The following TMC1 variants were observed in gnomAD, a reference collection of about 807,000 sequenced individuals.
TMC1 encodes the protein transmembrane channel like 1.
TMC1 carries 84 observed loss-of-function variants against 105.8 expected under a neutral mutation model. That is an observed-to-expected ratio of 0.79 (90% CI 0.67 to 0.95). The LOEUF (loss-of-function observed/expected upper bound fraction) is 0.95, where lower values mean the gene tolerates loss of function less well. Among genes scored for constraint, TMC1 ranks in the 40% least tolerant of loss-of-function variants. The pLI is 0.00. For missense variants in TMC1, 817 were observed against 914.1 expected (o/e 0.89, Z 1.37); for synonymous variants, 315 against 311.5 (o/e 1.01, Z -0.12).
At chr9:72,639,327 TAAG>T (rs1345136449) in intron 4 of TMC1, among the ~76,000 whole-genome samples, 1 of 152,194 alleles carries the variant, frequency 6.6e-6, no homozygotes, top group Non-Finnish European at 1.5e-5. Context: ...ACCATGGGCT[TAAG>T]AAAGTAGATT....
intron 8 of TMC1, among the ~76,000 whole-genome samples, chr9:72,702,190 AG>A (rs1826656589): frequency 6.6e-6 from 1 of 152,320 alleles, no homozygotes; most frequent in East Asian, 1.9e-4. Context: ...ATATATAGAA[AG>A]TTTAAAATTG....
intron 5 of TMC1, among the ~76,000 whole-genome samples, chr9:72,674,417 T>G (rs1483791872): frequency 2.0e-5 from 3 of 152,152 alleles, no homozygotes; most frequent in Non-Finnish European, 4.4e-5. Flanking sequence ...CAAGACAGTG[T>G]GAGACTGAAA....
chr9:72,674,724 T>G (rs1046909702), intron 5 of TMC1, among the ~76,000 whole-genome samples: 1 of 152,212 alleles, frequency 6.6e-6, no homozygotes, highest in Non-Finnish European at 1.5e-5. Flanking sequence ...GGCCTTTCCC[T>G]GCTAGAAATC....
At chr9:72,755,882 A>C (rs1339720900) in intron 12 of TMC1, among the ~76,000 whole-genome samples, 1 of 152,208 alleles carries the variant, frequency 6.6e-6, no homozygotes, top group East Asian at 1.9e-4. Flanking sequence ...AGAAGAGATC[A>C]GGTCTGCTAC....
At chr9:72,821,917 A>T (rs1300836341) in intron 20 of TMC1, among the ~76,000 whole-genome samples, 1 of 152,236 alleles carries the variant, frequency 6.6e-6, no homozygotes, top group Non-Finnish European at 1.5e-5. Flanking sequence ...CCAATTTGTT[A>T]TCCAAAATAT....
chr9:72,622,925 G>A (rs551030633), intron 3 of TMC1, among the ~76,000 whole-genome samples: 2 of 151,928 alleles, frequency 1.3e-5, no homozygotes, highest in Admixed American at 1.3e-4. Context: ...GGTGGCGGGT[G>A]CCTGTAATCC....
At chr9:72,543,532 C>T (rs1587947228) in intron 1 of TMC1, among the ~76,000 whole-genome samples, 2 of 152,184 alleles carry the variant, frequency 1.3e-5, no homozygotes, top group Non-Finnish European at 2.9e-5. Flanking sequence ...CCTGTAATCC[C>T]AGCACTTTGG....
At chr9:72,691,788 T>C (rs1472987222) in intron 6 of TMC1, among the ~76,000 whole-genome samples, 1 of 151,948 alleles carries the variant, frequency 6.6e-6, no homozygotes, top group Non-Finnish European at 1.5e-5. Context: ...GAACACAGGG[T>C]ATATATTTCA....
intron 5 of TMC1, among the ~76,000 whole-genome samples, chr9:72,653,776 C>T (rs1478581170): frequency 6.6e-6 from 1 of 152,170 alleles, no homozygotes; most frequent in Non-Finnish European, 1.5e-5. Context: ...TCCTTCTCTA[C>T]ACCCCACCAC....
chr9:72,766,952 A>C (rs1056964867), intron 12 of TMC1, among the ~76,000 whole-genome samples: 3 of 152,216 alleles, frequency 2.0e-5, no homozygotes, highest in African/African-American at 7.2e-5. Context: ...GTCAGCATGC[A>C]GCTCACAAGG....
In TMC1 at chr9:72,833,107, T is replaced by C. The variant is rs866735555; in HGVS notation, c.2260+2425T>C. ...TAATAGATAATATTTAAACGATTTT[T>C]ATACTCTTGCCCCAGTCTTTCTATG... On this transcript the variant is annotated intron_variant, in intron 23 of 23. Transcript: ENST00000297784. Among the ~76,000 whole-genome samples the C allele has an allele frequency of 2.0e-5, 3 of 152,148 alleles. 1 individual carries two copies. Among genetic ancestry groups the C allele is most frequent in the South Asian group, 4.1e-4 (2 of 4,826 alleles).
At position 72,648,647 on chromosome 9, in the gene TMC1, G is replaced by A. The variant is rs199639327; in HGVS notation, c.-2G>A. 11 of 1,613,216 alleles carry A rather than the reference G, an allele frequency of 6.8e-6. No individual in the cohort carries two copies. The highest frequency in any genetic ancestry group is 1.7e-5 in the Admixed American group (1 of 59,996). ...GAGACCTTCTGACAGGACACCCCCAGGATGTCACCCAAAAAAGGTATTTAC... is the reference window on the plus strand; with the variant it reads ...GAGACCTTCTGACAGGACACCCCCAAGATGTCACCCAAAAAAGGTATTTAC... On this transcript the variant is annotated 5_prime_UTR_variant, in exon 5 of 24. Coordinates refer to ENST00000297784, the MANE Select transcript of TMC1 (RefSeq NM_138691.3).
chr9:72,529,639 C>T (rs1823464360), intron 1 of TMC1, among the ~76,000 whole-genome samples: 1 of 151,188 alleles, frequency 6.6e-6, no homozygotes, highest in Non-Finnish European at 1.5e-5. Flanking sequence ...CTGGAGCTAT[C>T]CACTCAAGTG....
rs541524104 is a variant in TMC1, at chr9:72,820,778, G to A, written c.1764-64G>A. On this transcript the variant is annotated intron_variant, in intron 19 of 23. Coordinates refer to ENST00000297784, the MANE Select transcript of TMC1 (RefSeq NM_138691.3). ...AAGAAGCATGATGTCAAATAAACAG[G>A]TGCAGTGTGACTTTGTTATGGAGTA... 951 of 1,601,112 alleles carry A rather than the reference G, an allele frequency of 5.9e-4. 1 individual carries two copies. The highest frequency in any genetic ancestry group is 7.4e-4 in the Non-Finnish European group (862 of 1,172,170).
At chr9:72,556,307 G>C (rs1001741237) in intron 1 of TMC1, among the ~76,000 whole-genome samples, 14 of 151,468 alleles carry the variant, frequency 9.2e-5, no homozygotes, top group Admixed American at 8.5e-4. Flanking sequence ...AGTAGAGATG[G>C]GGTTTCACCG....
intron 5 of TMC1, chr9:72,656,055 C>A (rs916086258): frequency 1.3e-5 from 9 of 715,878 alleles, no homozygotes; most frequent in Non-Finnish European, 2.1e-5. Context: ...CTTTGAGATT[C>A]TTTTCCTTTG....
intron 23 of TMC1, 55 bp downstream of exon 23, chr9:72,830,737 T>A: frequency 2.1e-6 from 3 of 1,415,444 alleles, no homozygotes; most frequent in Non-Finnish European, 2.9e-6. Flanking sequence ...TCTTTTTCTT[T>A]CTTTTTTTTT....
chr9:72,805,417 C>A lies in TMC1; in HGVS notation c.1602C>A (p.Thr534=). The A allele has an allele frequency of 6.2e-7, 1 of 1,613,808 alleles. No homozygotes were observed. Among genetic ancestry groups the A allele is most frequent in the Non-Finnish European group, 8.5e-7 (1 of 1,179,890 alleles). ...GGCTGACAGTCTCTGATGTTCTGAC[C>A]ACCTACGTCACAATCCTCATTGGGG... The part of the protein sequence containing the change: ...FVRLTVSDVL[T]TYVTILIGDF... Residue 534 remains threonine, a synonymous_variant, in exon 18 of 24, where the codon ACC becomes ACA. Transcript: ENST00000297784.
chr9:72,806,785 C>A (rs1395919001), intron 18 of TMC1, among the ~76,000 whole-genome samples: 1 of 150,956 alleles, frequency 6.6e-6, no homozygotes, highest in African/African-American at 2.4e-5. Flanking sequence ...CCAGACTGGG[C>A]AGCCAGGCAG....
Sources: allele counts gnomAD v4.1 joint callset (sites outside exome capture counted in the v4.1 genomes callset), GRCh38; gene constraint gnomAD v4.1.1; transcripts MANE v1.5; gene names NCBI Gene and HGNC (gene_info 2026-07-23, HGNC 2026-07-21).